The following NR2C2 variants were observed in gnomAD, a reference collection of about 807,000 sequenced individuals.
NR2C2 encodes Nuclear hormone receptor TR4.
NR2C2 carries 6 observed loss-of-function variants against 62.9 expected under a neutral mutation model. The ratio of observed to expected loss-of-function variants is 0.10; its 90% CI spans 0.05 to 0.19. NR2C2 has a LOEUF of 0.19. Among genes scored for constraint, NR2C2 ranks in the 10% least tolerant of loss-of-function variants. NR2C2 has a pLI of 1.00. For synonymous variants in NR2C2, 272 were observed against 273.8 expected (o/e 0.99, Z 0.07); for missense variants, 479 against 762.7 (o/e 0.63, Z 4.38).
intron 2 of NR2C2, among the ~76,000 whole-genome samples, chr3:15,010,001 A>G (rs1420160602): frequency 6.6e-6 from 1 of 152,188 alleles, no homozygotes; most frequent in Non-Finnish European, 1.5e-5. Context: ...GTATTACCTC[A>G]TCTTATCCTA....
At chr3:14,993,708 G>A (rs764134218) in intron 1 of NR2C2, among the ~76,000 whole-genome samples, 2 of 152,032 alleles carry the variant, frequency 1.3e-5, no homozygotes, top group African/African-American at 2.4e-5. Context: ...AGAGTTAGTC[G>A]TCTTTTCACT....
chr3:14,988,095 A>T (rs1444002856), intron 1 of NR2C2, among the ~76,000 whole-genome samples: 1 of 152,272 alleles, frequency 6.6e-6, no homozygotes, highest in Non-Finnish European at 1.5e-5. Flanking sequence ...AGACAGATGT[A>T]TATATAGACA....
chr3:14,966,319 A>G (rs1229683450), intron 1 of NR2C2, among the ~76,000 whole-genome samples: 5 of 152,234 alleles, frequency 3.3e-5, no homozygotes, highest in African/African-American at 1.2e-4. Context: ...AGGCTACACT[A>G]GTTGAATAGG....
chr3:14,979,276 C>G (rs2040294855), intron 1 of NR2C2, among the ~76,000 whole-genome samples: 1 of 152,134 alleles, frequency 6.6e-6, no homozygotes, highest in Non-Finnish European at 1.5e-5. Flanking sequence ...GAAAGTATTA[C>G]TATTAGTAAA....
chr3:15,026,152 G>A (rs2041817501), intron 7 of NR2C2: 2 of 152,096 alleles, frequency 1.3e-5, no homozygotes, highest in Admixed American at 6.6e-5. Flanking sequence ...CCGAGTAGCT[G>A]GGACTGTAGG....
chr3:15,048,697 G>A lies in NR2C2; in HGVS notation c.*5689G>A, dbSNP rs938935854. 1 of 152,598 alleles carries A rather than the reference G, an allele frequency of 6.6e-6. No homozygotes were observed. Among genetic ancestry groups the A allele is most frequent in the Admixed American group, 6.6e-5 (1 of 15,256 alleles). The allele number at this position is 152,598 out of a possible 1,614,324, so 9.5% of individuals were successfully genotyped here. On this transcript the variant is annotated 3_prime_UTR_variant, in exon 14 of 14. Coordinates refer to ENST00000425241, the MANE Select transcript of NR2C2 (RefSeq NM_001291694.2). Reference sequence around the variant, plus strand: ...GCTGCCACACACAACTCAAGTGCTGGAATATTTTTCTACAGTCTCTCTGTT... The same window carrying A: ...GCTGCCACACACAACTCAAGTGCTGAAATATTTTTCTACAGTCTCTCTGTT...
At chr3:14,970,706 T>C (rs1054853736) in intron 1 of NR2C2, among the ~76,000 whole-genome samples, 3 of 152,238 alleles carry the variant, frequency 2.0e-5, no homozygotes, top group Admixed American at 6.5e-5. Context: ...ATTCTACTTA[T>C]GTATCACATT....
intron 1 of NR2C2, among the ~76,000 whole-genome samples, chr3:14,992,324 G>A (rs1356786159): frequency 6.6e-6 from 1 of 151,832 alleles, no homozygotes; most frequent in African/African-American, 2.4e-5. Context: ...GTACTCCTTG[G>A]TTTATATAAT....
rs763027702 is a variant in NR2C2, at chr3:15,024,170, C to T, written c.760C>T (p.Arg254Cys). ...MLVNIQQPLI[R>C]EDGTVLLATD... ...TGTGAACATCCAGCAGCCTTTGATA[C>T]GTGAGGATGGTACAGTTCTCCTGGC... The change falls in exon 7 of 14, where the codon CGT (arginine) becomes TGT (cysteine). Residue 254 changes from arginine (R) to cysteine (C), a missense_variant. Physicochemically the swap from Arg to Cys is radical, Grantham distance 180. Around this residue, in one of 4 missense-constraint regions of NR2C2, gnomAD observed 151 missense variants for 176.1 expected, o/e 0.86. Transcript: ENST00000425241. 11 of 1,612,432 alleles carry T rather than the reference C, an allele frequency of 6.8e-6. No homozygotes were observed. The highest frequency in any genetic ancestry group is 2.2e-5 in the South Asian group (2 of 90,722).
At position 15,032,419 on chromosome 3, in the gene NR2C2, A is replaced by C. The variant is rs1208748445; in HGVS notation, c.1151A>C (p.His384Pro). Residue 384 changes from histidine to proline, a missense_variant, in exon 10 of 14, where the codon CAC becomes CCC. This residue lies in a region of NR2C2 where 162 missense variants were observed against 296.8 expected (regional missense o/e 0.55). Coordinates refer to ENST00000425241, the MANE Select transcript of NR2C2 (RefSeq NM_001291694.2). ...CCAATGCCAGAGTACCTCAACGTGC[A>C]CTACATCTGTGAGTCTGCATCCCGT... is the stretch of plus-strand genomic sequence containing the variant. Reference protein sequence around the residue: ...PSPMPEYLNVHYICESASRLL... With the variant: ...PSPMPEYLNVPYICESASRLL... 1 of 1,614,194 alleles carries C rather than the reference A, an allele frequency of 6.2e-7. No homozygotes were observed. Among genetic ancestry groups the C allele is most frequent in the East Asian group, 2.2e-5 (1 of 44,890 alleles).
chr3:14,981,213 T>A (rs941762930), intron 1 of NR2C2, among the ~76,000 whole-genome samples: 2 of 152,206 alleles, frequency 1.3e-5, no homozygotes, highest in African/African-American at 4.8e-5. Context: ...ACACCTGTAA[T>A]CGCAGCACTT....
chr3:14,953,807 A>G (rs2039439132), intron 1 of NR2C2, among the ~76,000 whole-genome samples: 2 of 151,722 alleles, frequency 1.3e-5, no homozygotes, highest in Non-Finnish European at 1.5e-5. Flanking sequence ...AGGCAGGAGA[A>G]TCACTTGAAC....
rs1029166554 is a variant in NR2C2 at position 14,985,789 on chromosome 3, G to A, written c.-39-18087G>A. 2.6e-5 allele frequency among the ~76,000 whole-genome samples: 4 copies of A among 152,104 alleles called. No individual in the cohort carries two copies. In the South Asian group the frequency reaches 8.3e-4, roughly 31 times the overall value. On this transcript the variant is annotated intron_variant, in intron 1 of 13. Coordinates refer to ENST00000425241, the MANE Select transcript of NR2C2 (RefSeq NM_001291694.2). ...ATTTTCCAATTAGATGCACATTTAA[G>A]TTTTTTCCAGATTTTCTCAAGCATA...
At chr3:15,004,064 C>A in intron 2 of NR2C2, 78 bp downstream of exon 2, 1 of 1,222,592 alleles carries the variant, frequency 8.2e-7, no homozygotes, top group African/African-American at 1.5e-5. Context: ...AAGGGTTTCA[C>A]TAAAGAGTTG....
At position 15,006,052 on chromosome 3, in the gene NR2C2, A is replaced by G. The variant is rs577648159; in HGVS notation, c.72+2066A>G. 2.3e-4 allele frequency among the ~76,000 whole-genome samples: 35 copies of G among 152,106 alleles called. 4 individuals carry two copies. The highest frequency in any genetic ancestry group is 2.1e-3 in the South Asian group (10 of 4,814). On this transcript the variant is annotated intron_variant, in intron 2 of 13. Transcript: ENST00000425241. ...GAGATTGTATCTCTACAAAAAAACT[A>G]AAAAATTAGCCAGACATGGTGATGC...
At chr3:14,953,910 A>AAAAAAAAAC (rs1299062058) in intron 1 of NR2C2, among the ~76,000 whole-genome samples, 5 of 151,788 alleles carry the variant, frequency 3.3e-5, no homozygotes, top group African/African-American at 1.2e-4. Flanking sequence ...AAAAAAAAAA[A>AAAAAAAAAC]ACAACTGAGG....
intron 1 of NR2C2, among the ~76,000 whole-genome samples, chr3:14,999,025 T>A (rs13079427): frequency 0.19 from 28,786 of 149,668 alleles, 2,791 homozygotes; most frequent in Middle Eastern, 0.21. Context: ...AAAAAAAAAA[T>A]TTTTTTTAAG....
intron 11 of NR2C2, among the ~76,000 whole-genome samples, chr3:15,036,685 T>A (rs973453604): frequency 6.6e-6 from 1 of 152,170 alleles, no homozygotes; most frequent in Non-Finnish European, 1.5e-5. Context: ...AGAGATGAGG[T>A]TTCGCTGTGC....
chr3:14,971,933 C>T (rs1267204781), intron 1 of NR2C2, among the ~76,000 whole-genome samples: 5 of 150,648 alleles, frequency 3.3e-5, no homozygotes, highest in South Asian at 2.1e-4. Context: ...CTCAGCCTCC[C>T]GAGTAGCTGG....
Sources: allele counts gnomAD v4.1 joint callset (sites outside exome capture counted in the v4.1 genomes callset), GRCh38; gene constraint gnomAD v4.1.1; regional missense constraint gnomAD v4.1.1; transcripts MANE v1.5; gene names NCBI Gene and HGNC (gene_info 2026-07-23, HGNC 2026-07-21).